COL4A6: variants seen among roughly 807,000 people sequenced by gnomAD.
The protein encoded by COL4A6 is collagen alpha-6(IV) chain.
Under a neutral mutation model 126.7 loss-of-function variants are expected in COL4A6, and 59 were observed. The observed-to-expected ratio is 0.47, with a 90% confidence interval of 0.38 to 0.58. The LOEUF (loss-of-function observed/expected upper bound fraction) is 0.58. COL4A6 is among the 20% of genes least tolerant of loss of function. The probability of loss-of-function intolerance (pLI) is 0.00; values close to 1 mark genes in which losing one functional copy is unlikely to be tolerated. For synonymous variants in COL4A6, 547 were observed against 496.6 expected (o/e 1.10, Z -1.35); for missense variants, 1,285 against 1,337.3 (o/e 0.96, Z 0.61).
At chrX:108,229,038 A>G (rs1005142748) in intron 3 of COL4A6, among the ~76,000 whole-genome samples, 11 of 112,310 alleles carry the variant, frequency 9.8e-5, no homozygotes, top group African/African-American at 3.6e-4. Context: ...TCTGTAAGCG[A>G]GGGCCAGTCA....
chrX:108,388,707 C>T (rs1330977986), intron 2 of COL4A6, among the ~76,000 whole-genome samples: 3 of 111,055 alleles, frequency 2.7e-5, no homozygotes, highest in Admixed American at 9.6e-5. Flanking sequence ...TTTCGTGTCT[C>T]TATCTCCTTC....
chrX:108,248,670 A>G (rs2036775764), intron 3 of COL4A6, among the ~76,000 whole-genome samples: 1 of 110,907 alleles, frequency 9.0e-6, no homozygotes, highest in Non-Finnish European at 1.9e-5. Flanking sequence ...CACAACTAGA[A>G]AGCAAGCTCA....
At chrX:108,170,076 G>A in intron 35 of COL4A6, 60 bp from the exon 36 acceptor site, 1 of 999,401 alleles carries the variant, frequency 1.0e-6, no homozygotes, top group Non-Finnish European at 1.4e-6. Flanking sequence ...GCATCAGCAA[G>A]AGGTAGCTAC....
In COL4A6 at chrX:108,219,744, T is replaced by TA. The variant is rs758319598; in HGVS notation, c.280-3dup. On this transcript the variant is annotated splice_polypyrimidine_tract_variant and splice_region_variant and intron_variant, in intron 4 of 44. Transcript: ENST00000334504. Reference sequence around the variant, plus strand: ...AAAGCCAGGAACTCCCATGGGACCCTAAAAAAAGGAGTAGGGAGAGGAATG... The same window carrying TA: ...AAAGCCAGGAACTCCCATGGGACCCTAAAAAAAAGGAGTAGGGAGAGGAATG... 5 of 1,199,934 alleles carry TA rather than the reference T, an allele frequency of 4.2e-6. No homozygotes were observed. The highest frequency in any genetic ancestry group is 1.8e-5 in the African/African-American group (1 of 56,656).
intron 31 of COL4A6, 77 bp from the exon 32 acceptor site, chrX:108,172,609 T>G: frequency 2.5e-6 from 2 of 797,004 alleles, no homozygotes; most frequent in Non-Finnish European, 3.7e-6. Flanking sequence ...CACCCCTCAC[T>G]GAGCCACTGC....
chrX:108,194,217 G>A (rs1602770325), intron 16 of COL4A6, among the ~76,000 whole-genome samples: 4 of 112,168 alleles, frequency 3.6e-5, no homozygotes, highest in Admixed American at 2.8e-4. Flanking sequence ...AAAAGGGGAT[G>A]CATTGTCTGT....
chrX:108,372,638 C>T (rs755909783), intron 2 of COL4A6, among the ~76,000 whole-genome samples: 2 of 111,324 alleles, frequency 1.8e-5, no homozygotes, highest in Admixed American at 9.6e-5. Flanking sequence ...TGGAAGACCT[C>T]GATTTCAAGA....
In COL4A6 at chrX:108,219,730, C is replaced by A; in HGVS notation, c.292G>T (p.Val98Phe). The change falls in exon 5 of 45, where the codon GTT (valine) becomes TTT (phenylalanine). Residue 98 changes from valine (V) to phenylalanine (F), a missense_variant. Coordinates refer to ENST00000334504, the MANE Select transcript of COL4A6 (RefSeq NM_033641.4). The part of the protein sequence containing the change: ...GPKGDKGPMG[V>F]PGFLGINGIP... ...CCATTGATGCCAAGAAAGCCAGGAA[C>A]TCCCATGGGACCCTAAAAAAAGGAG... 1 of 1,208,100 alleles carries A rather than the reference C, an allele frequency of 8.3e-7. No individual in the cohort carries two copies.
intron 2 of COL4A6, among the ~76,000 whole-genome samples, chrX:108,368,552 T>C (rs193192574): frequency 3.0e-3 from 334 of 111,140 alleles, no homozygotes; most frequent in African/African-American, 0.011. Flanking sequence ...ACTCTAACTG[T>C]ATAAAATAAT....
chrX:108,326,362 T>G (rs1205498294), intron 2 of COL4A6, among the ~76,000 whole-genome samples: 1 of 112,334 alleles, frequency 8.9e-6, no homozygotes, highest in African/African-American at 3.2e-5. Context: ...ATGGCAAAGT[T>G]AATTGCTGAG....
chrX:108,336,671 C>G (rs1278592411), intron 2 of COL4A6, among the ~76,000 whole-genome samples: 1 of 111,210 alleles, frequency 9.0e-6, no homozygotes, highest in Admixed American at 9.6e-5. Flanking sequence ...AAAAATCAAT[C>G]AATTGATCAA....
At chrX:108,323,243 G>A (rs1446282992) in intron 2 of COL4A6, among the ~76,000 whole-genome samples, 2 of 111,831 alleles carry the variant, frequency 1.8e-5, no homozygotes, top group African/African-American at 6.5e-5. Context: ...ATGCTTGCTA[G>A]ACAATCTTTA....
chrX:108,254,447 A>G (rs1185933370), intron 3 of COL4A6, among the ~76,000 whole-genome samples: 3 of 111,865 alleles, frequency 2.7e-5, no homozygotes, highest in Non-Finnish European at 5.7e-5. Flanking sequence ...GGGTTTCAAC[A>G]AAAGCACTTC....
intron 2 of COL4A6, among the ~76,000 whole-genome samples, chrX:108,426,310 C>T (rs191201581): frequency 2.2e-4 from 25 of 112,100 alleles, no homozygotes; most frequent in Non-Finnish European, 4.7e-4. Context: ...GCCAGAGGTG[C>T]CAGACAATTC....
chrX:108,376,503 C>T (rs2040437140), intron 2 of COL4A6, among the ~76,000 whole-genome samples: 1 of 111,534 alleles, frequency 9.0e-6, no homozygotes, highest in African/African-American at 3.3e-5. Context: ...TACTGGGAGG[C>T]TGAGGCAGGA....
chrX:108,375,594 A>G (rs927946993), intron 2 of COL4A6, among the ~76,000 whole-genome samples: 2 of 109,468 alleles, frequency 1.8e-5, no homozygotes, highest in Non-Finnish European at 3.8e-5. Context: ...TCTCTACCTG[A>G]TTTCTAACAT....
At chrX:108,347,866 C>T (rs2039744960) in intron 2 of COL4A6, among the ~76,000 whole-genome samples, 1 of 109,126 alleles carries the variant, frequency 9.2e-6, no homozygotes, top group African/African-American at 3.3e-5. Context: ...GTGAGGCAAC[C>T]CCAAGCAGGG....
intron 2 of COL4A6, among the ~76,000 whole-genome samples, chrX:108,401,500 G>T (rs927410876): frequency 1.8e-5 from 2 of 110,193 alleles, no homozygotes; most frequent in African/African-American, 6.6e-5. Flanking sequence ...TGTACAGTAT[G>T]GTCACATTCC....
rs936487051 is a variant in COL4A6 at position 108,223,166 on chromosome X, T to C, written c.145-1792A>G. 5.4e-5 allele frequency among the ~76,000 whole-genome samples: 6 copies of C among 110,982 alleles called. No homozygotes were observed. The Admixed American group carries it at 5.8e-4, about 11-fold the overall frequency. On this transcript the variant is annotated intron_variant, in intron 3 of 44. Transcript: ENST00000334504. ...AACGCTGCATGTTCTCACTCATACG[T>C]GGGAGTTGAACAATGACAACATATG...
Sources: gnomAD v4.1 joint callset for allele counts (sites outside exome capture counted in the v4.1 genomes callset) on GRCh38, gnomAD v4.1.1 for gene constraint, MANE v1.5 for transcripts, NCBI Gene and HGNC (gene_info 2026-07-23, HGNC 2026-07-21) for gene names.